The following SMIM31 variants were observed in gnomAD, a reference collection of about 807,000 sequenced individuals.
SMIM31 encodes the protein human epithelial cell program regulator.
At chr4:164,760,112 G>A (rs151265981) in intron 1 of SMIM31, among the ~76,000 whole-genome samples, 2 of 152,298 alleles carry the variant, frequency 1.3e-5, no homozygotes, top group African/African-American at 4.8e-5. Flanking sequence ...AGTGCACCTA[G>A]AATGGAGGAA....
intron 2 of SMIM31, among the ~76,000 whole-genome samples, chr4:164,793,079 G>A (rs1164301858): frequency 6.6e-6 from 1 of 152,020 alleles, no homozygotes; most frequent in Non-Finnish European, 1.5e-5. Context: ...TGATACTGGA[G>A]GTCATTACAT....
chr4:164,777,440 G>GA, intron 2 of SMIM31, among the ~76,000 whole-genome samples: 1 of 152,284 alleles, frequency 6.6e-6, no homozygotes, highest in East Asian at 1.9e-4. Context: ...TATCAGTTTA[G>GA]AAGAGATTAG....
At chr4:164,775,384 T>G (rs1732865883) in intron 2 of SMIM31, among the ~76,000 whole-genome samples, 1 of 152,198 alleles carries the variant, frequency 6.6e-6, no homozygotes, top group South Asian at 2.1e-4. Flanking sequence ...TAGCTGAGAT[T>G]TGAACTGTTT....
chr4:164,789,886 G>A (rs556819987), intron 2 of SMIM31, among the ~76,000 whole-genome samples: 37 of 152,238 alleles, frequency 2.4e-4, no homozygotes, highest in African/African-American at 7.7e-4. Context: ...TCCAGGATAC[G>A]TCAAACAAGC....
At chr4:164,767,901 T>C (rs946088851) in intron 1 of SMIM31, among the ~76,000 whole-genome samples, 2 of 152,116 alleles carry the variant, frequency 1.3e-5, no homozygotes, top group African/African-American at 2.4e-5. Context: ...TTTGCGTTTA[T>C]TTGTCTAGAA....
At chr4:164,782,519 C>G (rs944776248) in intron 2 of SMIM31, among the ~76,000 whole-genome samples, 2 of 149,886 alleles carry the variant, frequency 1.3e-5, no homozygotes, top group Admixed American at 6.6e-5. Context: ...GCTGGGACTA[C>G]AGGCGCCCCC....
chr4:164,754,792 T>C (rs539329526), intron 1 of SMIM31, among the ~76,000 whole-genome samples: 45 of 151,606 alleles, frequency 3.0e-4, no homozygotes, highest in African/African-American at 1.0e-3. Context: ...CTTATACTTT[T>C]CTATGCTGAA....
chr4:164,788,668 T>C (rs1733061458), intron 2 of SMIM31, among the ~76,000 whole-genome samples: 1 of 151,348 alleles, frequency 6.6e-6, no homozygotes. Flanking sequence ...TTTGTATTTT[T>C]AGTAGAGACA....
rs1553964714 is a variant in SMIM31 at position 164,758,840 on chromosome 4, TTG to T, written c.-26+4431_-26+4432del. On this transcript the variant is annotated intron_variant, in intron 1 of 2. Coordinates refer to ENST00000507311, the MANE Select transcript of SMIM31 (RefSeq NM_001352885.1). ...TTTTTTTTTTTTTTTTTTTTTTTTT[TTG>T]TATTTTTAGTAGAGACTGGGTTTCA... Among the ~76,000 whole-genome samples the T allele has an allele frequency of 1.1e-3, 82 of 73,180 alleles. 2 individuals carry two copies. The highest frequency in any genetic ancestry group is 3.6e-3 in the African/African-American group (80 of 22,086). 48.0% of individuals were successfully genotyped at this position (73,180 alleles called of 152,430 possible).
rs148904832 is a variant in SMIM31 at position 164,803,521 on chromosome 4, G to A, written c.*2327G>A. The A allele has an allele frequency of 3.3e-5, 5 of 152,324 alleles. No homozygotes were observed. Among genetic ancestry groups the A allele is most frequent in the South Asian group, 4.1e-4 (2 of 4,832 alleles). 9.4% of individuals were successfully genotyped at this position (152,324 alleles called of 1,614,324 possible). A position where few individuals can be genotyped will look rare whatever the true frequency, so the allele number is the denominator to read the frequency against. On this transcript the variant is annotated 3_prime_UTR_variant, in exon 3 of 3. Transcript: ENST00000507311. The stretch of plus-strand genomic sequence containing the variant: ...ATGAAATAGCTGCAAAAGGCTGAGC[G>A]TGGTGGCTCACGTCTGAAATCCCAG...
At chr4:164,778,272 T>C (rs868594440) in intron 2 of SMIM31, among the ~76,000 whole-genome samples, 1 of 151,576 alleles carries the variant, frequency 6.6e-6, no homozygotes, top group Admixed American at 6.6e-5. Context: ...CACTCAAGAG[T>C]AGTGAGGCAA....
intron 1 of SMIM31, among the ~76,000 whole-genome samples, chr4:164,755,796 A>G (rs767881874): frequency 6.6e-5 from 10 of 152,118 alleles, no homozygotes; most frequent in Non-Finnish European, 1.3e-4. Flanking sequence ...AACAATTTAA[A>G]AAATTCTTTG....
chr4:164,795,583 A>T (rs1049345144), intron 2 of SMIM31, among the ~76,000 whole-genome samples: 20 of 142,794 alleles, frequency 1.4e-4, no homozygotes, highest in African/African-American at 5.2e-4. Flanking sequence ...AAAAAAAAAA[A>T]AGAAGAATCC....
chr4:164,778,356 C>A (rs185034100), intron 2 of SMIM31, among the ~76,000 whole-genome samples: 59 of 152,184 alleles, frequency 3.9e-4, no homozygotes, highest in African/African-American at 1.4e-3. Context: ...TGCAATGCCA[C>A]CTCATTCTTC....
chr4:164,789,291 G>C (rs1733069976), intron 2 of SMIM31, among the ~76,000 whole-genome samples: 1 of 152,156 alleles, frequency 6.6e-6, no homozygotes, highest in Admixed American at 6.6e-5. Flanking sequence ...AGAATCAAAG[G>C]CCAGCAGAGG....
At chr4:164,761,174 A>G (rs1732644225) in intron 1 of SMIM31, among the ~76,000 whole-genome samples, 1 of 152,228 alleles carries the variant, frequency 6.6e-6, no homozygotes, top group Admixed American at 6.5e-5. Flanking sequence ...TTTCATTTAA[A>G]AGAAAATCAC....
In SMIM31 at chr4:164,754,284, G is replaced by A. The variant is rs917319079; in HGVS notation, c.-153G>A. 9 of 152,094 alleles carry A rather than the reference G, an allele frequency of 5.9e-5. No individual in the cohort carries two copies. Among genetic ancestry groups the A allele is most frequent in the Non-Finnish European group, 8.8e-5 (6 of 68,020 alleles). The allele number at this position is 152,094 out of a possible 1,614,324, so 9.4% of individuals were successfully genotyped here. ...GTGCCTACATTTTCATGGCCTGGTA[G>A]CGTTCAGTGAAAATGTTCATTAACA... On this transcript the variant is annotated 5_prime_UTR_variant, in exon 1 of 3. It removes the in-frame stop codon of an upstream open reading frame in the 5' UTR. Coordinates refer to ENST00000507311, the MANE Select transcript of SMIM31 (RefSeq NM_001352885.1).
At chr4:164,757,789 A>G (rs1448951461) in intron 1 of SMIM31, among the ~76,000 whole-genome samples, 1 of 149,570 alleles carries the variant, frequency 6.7e-6, no homozygotes, top group East Asian at 2.0e-4. Context: ...GTCACCACTT[A>G]CACAAATACT....
chr4:164,779,110 CTT>C (rs1356761123), intron 2 of SMIM31, among the ~76,000 whole-genome samples: 1 of 146,034 alleles, frequency 6.8e-6, no homozygotes, highest in East Asian at 1.9e-4. Context: ...AATTAAATGT[CTT>C]TTGGTCGCAG....
Sources: allele counts gnomAD v4.1 joint callset (sites outside exome capture counted in the v4.1 genomes callset), GRCh38; gene constraint gnomAD v4.1.1; transcripts MANE v1.5; gene names NCBI Gene and HGNC (gene_info 2026-07-23, HGNC 2026-07-21).